The following SH2B2 variants were observed in gnomAD, a reference collection of about 807,000 sequenced individuals.
The protein encoded by SH2B2 is SH2B adapter protein 2.
SH2B2 carries 37 observed loss-of-function variants against 35.7 expected under a neutral mutation model. That is an observed-to-expected ratio of 1.04 (90% CI 0.80 to 1.36). SH2B2 has a LOEUF of 1.36. SH2B2 is among the 40% of genes most tolerant of loss of function. The pLI, the probability that SH2B2 is intolerant of heterozygous loss-of-function variation, is 0.00. For missense variants in SH2B2, 852 were observed against 817.7 expected (o/e 1.04, Z -0.51); for synonymous variants, 383 against 376.4 (o/e 1.02, Z -0.20).
chr7:102,292,421 C>T (rs1554551905), intron 1 of SH2B2, among the ~76,000 whole-genome samples: 1 of 151,854 alleles, frequency 6.6e-6, no homozygotes, highest in Non-Finnish European at 1.5e-5. Context: ...GTCCCAGCTA[C>T]TCGGGAGGCT....
intron 1 of SH2B2, among the ~76,000 whole-genome samples, chr7:102,299,175 A>G (rs1424457028): frequency 9.2e-6 from 1 of 108,748 alleles, no homozygotes; most frequent in Non-Finnish European, 1.8e-5. Context: ...CTGGGATTAC[A>G]GGCATGAGCC....
chr7:102,298,280 G>GTTTT (rs1177523944), intron 1 of SH2B2, among the ~76,000 whole-genome samples: 11 of 152,096 alleles, frequency 7.2e-5, no homozygotes, highest in African/African-American at 2.7e-4. Flanking sequence ...GTTTTGTTTT[G>GTTTT]TTTTTGAGTC....
chr7:102,308,729 C>A, intron 3 of SH2B2, 86 bp from the exon 4 acceptor site: 2 of 969,826 alleles, frequency 2.1e-6, no homozygotes, highest in Non-Finnish European at 3.3e-6. Context: ...GGGGATCAGC[C>A]ATTTGAGCCA....
At chr7:102,288,834 G>A (rs1734753) in intron 1 of SH2B2, among the ~76,000 whole-genome samples, 32,886 of 152,114 alleles carry the variant, frequency 0.22, 4,286 homozygotes, top group East Asian at 0.43. Flanking sequence ...CGCAGTCAAC[G>A]AGCCAGGCCT....
rs375170927 is a variant in SH2B2, at chr7:102,291,186, G to A, written c.-30+4092G>A. Among the ~76,000 whole-genome samples the A allele has an allele frequency of 2.4e-4, 36 of 152,328 alleles. No homozygotes were observed. The East Asian group carries it at 2.9e-3, about 12-fold the overall frequency. The stretch of plus-strand genomic sequence containing the variant: ...TCAAAGGCAACTGTGGGAACCCCTG[G>A]GACTGAGGGTCTGCAGACGCCGGTG... On this transcript the variant is annotated intron_variant, in intron 1 of 8. Coordinates refer to ENST00000444095, the MANE Select transcript of SH2B2 (RefSeq NM_001359228.2).
chr7:102,306,841 C>G lies in SH2B2; in HGVS notation c.831+19C>G. 1 of 1,536,726 alleles carries G rather than the reference C, an allele frequency of 6.5e-7. No individual in the cohort carries two copies. The highest frequency in any genetic ancestry group is 1.7e-4 in the Middle Eastern group (1 of 5,968). On this transcript the variant is annotated intron_variant, in intron 3 of 8. Coordinates refer to ENST00000444095, the MANE Select transcript of SH2B2 (RefSeq NM_001359228.2). ...CCTCAAGGTGAGGTCTCACCCCTAACCTCAGAGATCCTCCAGCTGCCCCAG... is the reference window on the plus strand; with the variant it reads ...CCTCAAGGTGAGGTCTCACCCCTAAGCTCAGAGATCCTCCAGCTGCCCCAG...
intron 8 of SH2B2, 62 bp from the exon 9 acceptor site, chr7:102,321,237 C>G: frequency 2.4e-6 from 3 of 1,275,568 alleles, no homozygotes; most frequent in Non-Finnish European, 3.0e-6. Flanking sequence ...GGGATCCCGG[C>G]CTCCCTGCAG....
intron 4 of SH2B2, among the ~76,000 whole-genome samples, chr7:102,311,554 CTTTTTTTTTTTT>C: frequency 1.9e-5 from 2 of 104,636 alleles, no homozygotes; most frequent in South Asian, 6.9e-4. Flanking sequence ...TGCAACTGGC[CTTTTTTTTTTTT>C]TTTTTTTTTT....
intron 7 of SH2B2, among the ~76,000 whole-genome samples, chr7:102,319,698 G>A (rs527790807): frequency 6.6e-6 from 1 of 152,210 alleles, no homozygotes; most frequent in Admixed American, 6.5e-5. Flanking sequence ...GAGCAAAATA[G>A]GGCTTAAGTC....
At chr7:102,289,742 T>A (rs1362249656) in intron 1 of SH2B2, among the ~76,000 whole-genome samples, 1 of 146,196 alleles carries the variant, frequency 6.8e-6, no homozygotes, top group African/African-American at 2.6e-5. Context: ...CCTGCAGGTT[T>A]AGGGGGCTGG....
chr7:102,315,228 G>GGTGCA (rs1387028048), intron 6 of SH2B2, among the ~76,000 whole-genome samples: 1 of 152,006 alleles, frequency 6.6e-6, no homozygotes, highest in Admixed American at 6.6e-5. Context: ...ACAGGGGCTG[G>GGTGCA]GTGCAGTGTC....
chr7:102,300,541 G>C lies in SH2B2; in HGVS notation c.-10G>C. The C allele has an allele frequency of 6.5e-7, 1 of 1,541,994 alleles. No homozygotes were observed. Among genetic ancestry groups the C allele is most frequent in the Non-Finnish European group, 8.7e-7 (1 of 1,145,440 alleles). ...CCGAAGCCGCAGGTGGCTGCGATGG[G>C]ACGGAAGCCATGAATGGTGCCGGCC... is the stretch of plus-strand genomic sequence containing the variant. On this transcript the variant is annotated 5_prime_UTR_variant, in exon 2 of 9. Coordinates refer to ENST00000444095, the MANE Select transcript of SH2B2 (RefSeq NM_001359228.2).
At chr7:102,285,466 A>G (rs1210278757), upstream of SH2B2, among the ~76,000 whole-genome samples, 1 of 152,172 alleles carries the variant, frequency 6.6e-6, no homozygotes, top group Non-Finnish European at 1.5e-5. Context: ...AGCTTTCATT[A>G]AAGTGTCTGC....
At position 102,321,287 on chromosome 7, in the gene SH2B2, G is replaced by A; in HGVS notation, c.1568-12G>A. On this transcript the variant is annotated splice_polypyrimidine_tract_variant and intron_variant, in intron 8 of 8. Coordinates refer to ENST00000444095, the MANE Select transcript of SH2B2 (RefSeq NM_001359228.2). ...AGGTCCCCACTCACGCCCTGCCGTC[G>A]CCTTGTTGCAGAGCCGGGCCCCACG... 7.3e-7 allele frequency: 1 copy of A among 1,371,006 alleles called. No homozygotes were observed. Among genetic ancestry groups the A allele is most frequent in the African/African-American group, 1.5e-5 (1 of 65,416 alleles). 84.9% of individuals were successfully genotyped at this position (1,371,006 alleles called of 1,614,324 possible). A position where few individuals can be genotyped will look rare whatever the true frequency, so the allele number is the denominator to read the frequency against.
upstream of SH2B2, chr7:102,285,358 C>A: frequency 1.2e-6 from 1 of 821,610 alleles, no homozygotes; most frequent in Non-Finnish European, 2.0e-6. Context: ...TCGGGCACCC[C>A]CTCCTCCCCC....
chr7:102,285,572 T>G (rs977012431), upstream of SH2B2, among the ~76,000 whole-genome samples: 9 of 152,212 alleles, frequency 5.9e-5, no homozygotes, highest in African/African-American at 1.9e-4. Context: ...ACCGGGGTTT[T>G]GGGCAGCAGG....
At chr7:102,311,065 T>A (rs1793602622) in intron 4 of SH2B2, among the ~76,000 whole-genome samples, 1 of 152,282 alleles carries the variant, frequency 6.6e-6, no homozygotes, top group South Asian at 2.1e-4. Flanking sequence ...AGAAAAGGCA[T>A]ACAAATTTAT....
At chr7:102,291,970 G>A (rs1218564866) in intron 1 of SH2B2, among the ~76,000 whole-genome samples, 3 of 152,174 alleles carry the variant, frequency 2.0e-5, no homozygotes, top group East Asian at 1.9e-4. Context: ...ACCGAGGCCA[G>A]GAGGGTGCTT....
Position 102,317,238 on chromosome 7 carries a change from C to T in SH2B2, c.1238C>T (p.Ser413Phe). The T allele has an allele frequency of 6.2e-7, 1 of 1,612,292 alleles. No individual in the cohort carries two copies. The highest frequency in any genetic ancestry group is 1.3e-5 in the African/African-American group (1 of 75,028). The stretch of plus-strand genomic sequence containing the variant: ...GAGGCTGAACCCGAGCTGGAGCTAT[C>T]CGACTACCCATGGTTCCACGGGACA... ...DPEAEPELEL[S>F]DYPWFHGTLS... is the part of the protein sequence containing the mutation. Residue 413 changes from serine to phenylalanine, a missense_variant, in exon 7 of 9, where the codon TCC (serine) becomes TTC (phenylalanine). By Grantham distance (155) the Ser-to-Phe change is radical (BLOSUM62 -2). Around this residue, in one of 3 missense-constraint regions of SH2B2, gnomAD observed 556 missense variants for 514.5 expected, o/e 1.08. Transcript: ENST00000444095.
Sources: allele counts gnomAD v4.1 joint callset (sites outside exome capture counted in the v4.1 genomes callset), GRCh38; gene constraint gnomAD v4.1.1; regional missense constraint gnomAD v4.1.1; transcripts MANE v1.5; gene names NCBI Gene and HGNC (gene_info 2026-07-23, HGNC 2026-07-21).